BCR: variants seen among roughly 807,000 people sequenced by gnomAD.
The protein encoded by BCR is breakpoint cluster region protein.
Under a neutral mutation model 138.6 loss-of-function variants are expected in BCR, and 58 were observed. That is an observed-to-expected ratio of 0.42 (90% confidence interval 0.34 to 0.52). The LOEUF is 0.52. BCR is among the 20% of genes least tolerant of loss of function. The pLI, the probability that BCR is intolerant of heterozygous loss-of-function variation, is 0.06. For missense variants in BCR, 1,599 were observed against 1,727.2 expected, an observed-to-expected ratio of 0.93 and a Z score of 1.32; for synonymous variants, 786 against 730.1, an observed-to-expected ratio of 1.08 and a Z score of -1.23.
At chr22:23,292,388 C>T (rs1318512494) in intron 14 of BCR, among the ~76,000 whole-genome samples, 153 bp from the exon 15 acceptor site, 3 of 152,176 alleles carry the variant, frequency 2.0e-5, no homozygotes, top group African/African-American at 7.2e-5. Flanking sequence ...CACGCCAGAC[C>T]ACAATTAGGT....
chr22:23,276,864 T>TGGGGACA (rs1290917366), intron 8 of BCR, among the ~76,000 whole-genome samples: 5 of 152,252 alleles, frequency 3.3e-5, no homozygotes, highest in African/African-American at 4.8e-5. Flanking sequence ...TGTACTGATT[T>TGGGGACA]GGGGACACCC....
Position 23,285,212 on chromosome 22 carries a change from G to T in BCR, c.2406+11G>T. On this transcript the variant is annotated intron_variant, in intron 10 of 22. Coordinates refer to ENST00000305877, the MANE Select transcript of BCR (RefSeq NM_004327.4). ...ATCCAGAGAGAGAAGGTGCACACCA[G>T]GGGAGCAAGGGCCGGGTTTGGTGTG... The T allele has an allele frequency of 6.2e-7, 1 of 1,606,688 alleles. No individual in the cohort carries two copies. The highest frequency in any genetic ancestry group is 8.5e-7 in the Non-Finnish European group (1 of 1,176,466).
At chr22:23,287,014 C>A in intron 10 of BCR, 145 bp from the exon 11 acceptor site, 3 of 1,396,338 alleles carry the variant, frequency 2.1e-6, no homozygotes, top group Non-Finnish European at 2.9e-6. Context: ...CAACTGCGGT[C>A]TGGGGCCCTG....
At chr22:23,202,743 GTGTGTATATA>G (rs962628575) in intron 1 of BCR, among the ~76,000 whole-genome samples, 10 of 147,786 alleles carry the variant, frequency 6.8e-5, no homozygotes, top group African/African-American at 2.6e-5. Context: ...GTGTGTGTGT[GTGTGTATATA>G]TATATATATT....
At chr22:23,187,657 C>T (rs1243720422) in intron 1 of BCR, among the ~76,000 whole-genome samples, 1 of 151,986 alleles carries the variant, frequency 6.6e-6, no homozygotes, top group South Asian at 2.1e-4. Context: ...TTTTTTCCCC[C>T]ATTGAGACAT....
At chr22:23,296,019 G>T (rs2073841228) in intron 16 of BCR, among the ~76,000 whole-genome samples, 1 of 152,114 alleles carries the variant, frequency 6.6e-6, no homozygotes, top group African/African-American at 2.4e-5. Context: ...TAGAAGCACA[G>T]GGCTCCTCAG....
At position 23,312,969 on chromosome 22, in the gene BCR, G is replaced by T; in HGVS notation, c.3405G>T (p.Leu1135=). Residue 1135 remains leucine, a synonymous_variant, in exon 20 of 23, where the codon CTG becomes CTT. Coordinates refer to ENST00000305877, the MANE Select transcript of BCR (RefSeq NM_004327.4). The part of the protein sequence containing the change: ...AGTLKLYFRE[L]PEPLFTDEFY... Reference sequence around the variant, plus strand: ...CGCTGAAGCTGTACTTCCGTGAGCTGCCCGAGCCCCTCTTCACTGACGAGT... The same window carrying T: ...CGCTGAAGCTGTACTTCCGTGAGCTTCCCGAGCCCCTCTTCACTGACGAGT... 1 of 1,591,938 alleles carries T rather than the reference G, an allele frequency of 6.3e-7. No individual in the cohort carries two copies. The highest frequency in any genetic ancestry group is 1.3e-5 in the African/African-American group (1 of 74,914).
intron 5 of BCR, among the ~76,000 whole-genome samples, chr22:23,270,018 G>T (rs1182629911): frequency 1.3e-5 from 2 of 152,146 alleles, no homozygotes; most frequent in African/African-American, 4.8e-5. Flanking sequence ...GTGAAAGTTT[G>T]TGGCACCTGC....
chr22:23,307,367 G>A (rs1397316150), intron 16 of BCR, among the ~76,000 whole-genome samples: 2 of 151,826 alleles, frequency 1.3e-5, no homozygotes, highest in Non-Finnish European at 2.9e-5. Flanking sequence ...GCCTTTCAAA[G>A]TGCTGATATC....
At chr22:23,241,851 C>A (rs889441607) in intron 1 of BCR, among the ~76,000 whole-genome samples, 2 of 152,180 alleles carry the variant, frequency 1.3e-5, no homozygotes, top group African/African-American at 2.4e-5. Context: ...AGGCTCCCCT[C>A]TTGTTCCAGA....
At chr22:23,287,561 A>G (rs2073730773) in intron 11 of BCR, among the ~76,000 whole-genome samples, 1 of 152,198 alleles carries the variant, frequency 6.6e-6, no homozygotes, top group African/African-American at 2.4e-5. Context: ...CCCTTGGTAC[A>G]GGGATGCTGT....
At chr22:23,206,667 T>G (rs8138947) in intron 1 of BCR, among the ~76,000 whole-genome samples, 1 of 151,506 alleles carries the variant, frequency 6.6e-6, no homozygotes, top group African/African-American at 2.4e-5. Context: ...GTGTTAAAAC[T>G]CAGAAACCTT....
Position 23,290,393 on chromosome 22 carries a change from C to G in BCR, c.2762C>G (p.Thr921Ser), listed in dbSNP as rs761775215. The change falls in exon 14 of 23, where the codon ACT (threonine) becomes AGT (serine). Residue 921 changes from threonine (T) to serine (S), a missense_variant. By Grantham distance (58) the Thr-to-Ser change is moderately conservative. Transcript: ENST00000305877. ...CTGAATGTCATCGTCCACTCAGCCA[C>G]TGGATTTAAGCAGAGTTCAAGTAAG... The part of the protein sequence containing the change: ...GFLNVIVHSA[T>S]GFKQSSNLYC... 2 of 1,614,160 alleles carry G rather than the reference C, an allele frequency of 1.2e-6. No homozygotes were observed. The highest frequency in any genetic ancestry group is 1.7e-6 in the Non-Finnish European group (2 of 1,180,012).
At chr22:23,297,609 T>C (rs1041861314) in intron 16 of BCR, among the ~76,000 whole-genome samples, 1 of 152,164 alleles carries the variant, frequency 6.6e-6, no homozygotes, top group African/African-American at 2.4e-5. Flanking sequence ...CAGTCCAGCC[T>C]GCATCTGGCA....
chr22:23,281,361 C>T (rs1200673535), intron 8 of BCR, among the ~76,000 whole-genome samples: 3 of 152,224 alleles, frequency 2.0e-5, no homozygotes, highest in African/African-American at 7.2e-5. Flanking sequence ...GATTGTGACC[C>T]CGGCCCACCC....
At chr22:23,249,389 GCCACTGCACT>G (rs1568954039) in intron 1 of BCR, among the ~76,000 whole-genome samples, 1 of 146,208 alleles carries the variant, frequency 6.8e-6, no homozygotes, top group African/African-American at 2.6e-5. Flanking sequence ...CCGAAATCGC[GCCACTGCACT>G]CCAGCCTGGA....
At chr22:23,197,447 A>G (rs747156204) in intron 1 of BCR, among the ~76,000 whole-genome samples, 1 of 152,184 alleles carries the variant, frequency 6.6e-6, no homozygotes, top group Non-Finnish European at 1.5e-5. Flanking sequence ...TTACATTTAT[A>G]TTATTCTTAT....
chr22:23,209,797 A>G (rs1454631053), intron 1 of BCR, among the ~76,000 whole-genome samples: 1 of 151,474 alleles, frequency 6.6e-6, no homozygotes, highest in Non-Finnish European at 1.5e-5. Flanking sequence ...CGCCCAGCCT[A>G]TTTTTTAATT....
At chr22:23,231,776 T>G (rs2072962068) in intron 1 of BCR, among the ~76,000 whole-genome samples, 1 of 152,250 alleles carries the variant, frequency 6.6e-6, no homozygotes, top group Non-Finnish European at 1.5e-5. Flanking sequence ...CTGTGAGTTA[T>G]GTCCCCACCC....
Sources: allele counts gnomAD v4.1 joint callset (sites outside exome capture counted in the v4.1 genomes callset), GRCh38; gene constraint gnomAD v4.1.1; transcripts MANE v1.5; gene names NCBI Gene and HGNC (gene_info 2026-07-23, HGNC 2026-07-21).